The following HSF1 variants were observed in gnomAD, a reference collection of about 807,000 sequenced individuals.
The protein encoded by HSF1 is heat shock factor protein 1.
A neutral mutation model predicts 51.7 loss-of-function variants in HSF1; 32 were observed. The ratio of observed to expected loss-of-function variants is 0.62; its 90% CI spans 0.47 to 0.83. HSF1 has a LOEUF of 0.83. HSF1 is among the 40% of genes least tolerant of loss of function. HSF1 has a pLI of 0.00. For synonymous variants in HSF1, 396 were observed against 309.7 expected, an observed-to-expected ratio of 1.28 and a Z score of -2.92; for missense variants, 727 against 717.0, an observed-to-expected ratio of 1.01 and a Z score of -0.16.
chr8:144,292,087 G>A (rs570559991), intron 1 of HSF1, among the ~76,000 whole-genome samples: 25 of 152,370 alleles, frequency 1.6e-4, no homozygotes, highest in African/African-American at 5.8e-4. Flanking sequence ...CCCACACTCG[G>A]TTCAACCCCT....
intron 1 of HSF1, among the ~76,000 whole-genome samples, chr8:144,300,008 A>G (rs936072157): frequency 8.5e-5 from 13 of 152,168 alleles, no homozygotes; most frequent in African/African-American, 3.1e-4. Context: ...AGAATTCCAC[A>G]TTGTTTACTG....
At chr8:144,312,665 C>T (rs1554845218) in intron 9 of HSF1, 2 of 1,535,528 alleles carry the variant, frequency 1.3e-6, no homozygotes, top group Non-Finnish European at 1.7e-6. Flanking sequence ...GGTCGCCCGC[C>T]TCTTCCCCTG....
intron 1 of HSF1, among the ~76,000 whole-genome samples, chr8:144,295,423 A>G (rs1815387094): frequency 6.6e-6 from 1 of 152,264 alleles, no homozygotes; most frequent in African/African-American, 2.4e-5. Flanking sequence ...GCCTGAGAAC[A>G]AGGCACAGCC....
intron 1 of HSF1, among the ~76,000 whole-genome samples, chr8:144,295,697 G>A (rs1815408349): frequency 6.7e-6 from 1 of 149,962 alleles, no homozygotes; most frequent in African/African-American, 2.5e-5. Flanking sequence ...CTACAGGCTT[G>A]CACCACCAGA....
intron 1 of HSF1, 148 bp from the exon 2 acceptor site, chr8:144,308,758 G>A (rs781109358): frequency 4.5e-6 from 3 of 666,048 alleles, no homozygotes; most frequent in East Asian, 2.7e-5. Flanking sequence ...CTCGCCTCCC[G>A]CCAGCCCCCT....
intron 1 of HSF1, among the ~76,000 whole-genome samples, chr8:144,302,280 A>T (rs1378815655): frequency 1.3e-5 from 2 of 151,716 alleles, no homozygotes; most frequent in Non-Finnish European, 1.5e-5. Context: ...AGACCGAGGC[A>T]GGCGGATCAC....
At chr8:144,313,478 C>A in intron 9 of HSF1, 33 bp from the exon 10 acceptor site, 3 of 1,399,782 alleles carry the variant, frequency 2.1e-6, no homozygotes, top group Non-Finnish European at 3.0e-6. Context: ...GGGCCTGGGG[C>A]ACTGGTTCAG....
intron 9 of HSF1, chr8:144,313,198 C>T (rs888164639): frequency 4.7e-6 from 2 of 425,046 alleles, no homozygotes; most frequent in African/African-American, 4.0e-5. Context: ...CCTCACCAAC[C>T]CTGAACACTG....
chr8:144,310,140 G>A, intron 4 of HSF1: 1 of 504,820 alleles, frequency 2.0e-6, no homozygotes, highest in Non-Finnish European at 3.5e-6. Context: ...CACATCCCCA[G>A]CGCCCTCTGG....
At chr8:144,308,078 A>C (rs536703800) in intron 1 of HSF1, among the ~76,000 whole-genome samples, 39 of 152,252 alleles carry the variant, frequency 2.6e-4, no homozygotes, top group African/African-American at 9.4e-4. Flanking sequence ...CCCTGTTTGC[A>C]TCTGCAGCTC....
chr8:144,314,020 G>A lies in HSF1; in HGVS notation c.1350G>A (p.Arg450=). The change falls in exon 12 of 13, where the codon AGG becomes AGA. Residue 450 remains arginine (R), a synonymous_variant. Coordinates refer to ENST00000528838, the MANE Select transcript of HSF1 (RefSeq NM_005526.4). ...TCCTGTCTCCCCAGGAGCCCCCCAG[G>A]CCTCCCGAGGCAGAGAACAGCAGCC... The part of the protein sequence containing the change: ...QELLSPQEPP[R]PPEAENSSPD... The A allele has an allele frequency of 1.2e-6, 2 of 1,609,578 alleles. No individual in the cohort carries two copies. The highest frequency in any genetic ancestry group is 1.7e-6 in the Non-Finnish European group (2 of 1,179,072).
intron 1 of HSF1, among the ~76,000 whole-genome samples, chr8:144,302,471 C>T (rs1475925954): frequency 6.6e-6 from 1 of 151,504 alleles, no homozygotes; most frequent in Admixed American, 6.6e-5. Context: ...CGCGCCATTG[C>T]ACTCTAGCCT....
rs1816643257 is a variant in HSF1, at chr8:144,311,384, T to G, written c.626+2T>G. 1 of 1,613,902 alleles carries G rather than the reference T, an allele frequency of 6.2e-7. No homozygotes were observed. Among genetic ancestry groups the G allele is most frequent in the Non-Finnish European group, 8.5e-7 (1 of 1,179,990 alleles). ...GATCCTGGGGGTGAAGAGAAAGATG[T>G]GAGGTTTTGGGGATGCCTGCATCCA... On this transcript the variant is annotated splice_donor_variant, in intron 6 of 12. Coordinates refer to ENST00000528838, the MANE Select transcript of HSF1 (RefSeq NM_005526.4). LOFTEE classifies it high-confidence loss of function.
rs782262498 is a variant in HSF1, at chr8:144,314,035, G to T, written c.1365G>T (p.Glu455Asp). 1.2e-6 allele frequency: 2 copies of T among 1,609,606 alleles called. No individual in the cohort carries two copies. The highest frequency in any genetic ancestry group is 4.5e-5 in the East Asian group (2 of 44,670). ...PQEPPRPPEA[E>D]NSSPDSGKQL... ...AGCCCCCCAGGCCTCCCGAGGCAGAGAACAGCAGCCCGGATTCAGGTGAGC... is the reference window on the plus strand; with the variant it reads ...AGCCCCCCAGGCCTCCCGAGGCAGATAACAGCAGCCCGGATTCAGGTGAGC... Residue 455 changes from glutamate to aspartate, a missense_variant, in exon 12 of 13, where the codon GAG becomes GAT. Around this residue, in one of 2 missense-constraint regions of HSF1, gnomAD observed 470 missense variants for 398.8 expected, o/e 1.18. Coordinates refer to ENST00000528838, the MANE Select transcript of HSF1 (RefSeq NM_005526.4).
At chr8:144,307,047 C>T (rs1816269656) in intron 1 of HSF1, among the ~76,000 whole-genome samples, 1 of 152,192 alleles carries the variant, frequency 6.6e-6, no homozygotes, top group Admixed American at 6.5e-5. Context: ...TCGGGGCTGG[C>T]TCAGGTCTTT....
rs1564623001 is a variant in HSF1 at position 144,312,027 on chromosome 8, C to CG, written c.928dup (p.Val310GlyfsTer23). The CG allele has an allele frequency of 1.2e-6, 2 of 1,607,774 alleles. No individual in the cohort carries two copies. The highest frequency in any genetic ancestry group is 1.7e-6 in the Non-Finnish European group (2 of 1,176,804). ...GCCCCCCAGCCCGCCTCAGAGCCCCCGGGTAGAGGAGGCGAGTCCCGGGCG... is the reference window on the plus strand; with the variant it reads ...GCCCCCCAGCCCGCCTCAGAGCCCCCGGGGTAGAGGAGGCGAGTCCCGGGCG... On this transcript the variant is annotated frameshift_variant, in exon 9 of 13. Transcript: ENST00000528838. LOFTEE classifies it high-confidence loss of function.
intron 4 of HSF1, 122 bp downstream of exon 4, chr8:144,310,018 G>A (rs1554844069): frequency 3.3e-6 from 4 of 1,202,484 alleles, no homozygotes; most frequent in African/African-American, 1.5e-5. Flanking sequence ...CCCGCTCCAC[G>A]CACATCTACC....
intron 1 of HSF1, among the ~76,000 whole-genome samples, chr8:144,307,920 C>T (rs919617977): frequency 5.9e-5 from 9 of 152,218 alleles, no homozygotes; most frequent in South Asian, 2.1e-4. Context: ...TGGCGCTTTT[C>T]GCCGTCTCTC....
rs782208110 is a variant in HSF1 at position 144,312,028 on chromosome 8, G to A, written c.926G>A (p.Arg309Gln). 2.0e-5 allele frequency: 32 copies of A among 1,607,342 alleles called. No individual in the cohort carries two copies. The highest frequency in any genetic ancestry group is 3.3e-5 in the South Asian group (3 of 90,788). Reference sequence around the variant, plus strand: ...CCCCCCAGCCCGCCTCAGAGCCCCCGGGTAGAGGAGGCGAGTCCCGGGCGC... The same window carrying A: ...CCCCCCAGCCCGCCTCAGAGCCCCCAGGTAGAGGAGGCGAGTCCCGGGCGC... ...EEPPSPPQSP[R>Q]VEEASPGRPS... is the part of the protein sequence containing the mutation. The change falls in exon 9 of 13, where the codon CGG becomes CAG. Residue 309 changes from arginine (R) to glutamine (Q), a missense_variant. Physicochemically the swap from Arg to Gln is conservative, Grantham distance 43. Coordinates refer to ENST00000528838, the MANE Select transcript of HSF1 (RefSeq NM_005526.4).
Sources: gnomAD v4.1 joint callset for allele counts (sites outside exome capture counted in the v4.1 genomes callset) on GRCh38, gnomAD v4.1.1 for gene constraint, gnomAD v4.1.1 regional missense constraint, MANE v1.5 for transcripts, NCBI Gene and HGNC (gene_info 2026-07-23, HGNC 2026-07-21) for gene names.